The following NHEJ1 variants were observed in gnomAD, a reference collection of about 807,000 sequenced individuals.
NHEJ1 encodes the protein non-homologous end-joining factor 1.
NHEJ1 carries 22 observed loss-of-function variants against 39.4 expected under a neutral mutation model. The ratio of observed to expected loss-of-function variants is 0.56; its 90% CI spans 0.40 to 0.80. The LOEUF (loss-of-function observed/expected upper bound fraction) is 0.80, where lower values mean the gene tolerates loss of function less well. Among genes scored for constraint, NHEJ1 ranks in the 30% least tolerant of loss-of-function variants. The pLI is 0.00. For synonymous variants in NHEJ1, 154 were observed against 135.6 expected, an observed-to-expected ratio of 1.14 and a Z score of -0.94; for missense variants, 329 against 357.1, an observed-to-expected ratio of 0.92 and a Z score of 0.63.
Position 219,107,703 on chromosome 2 carries a change from G to T in NHEJ1, c.589-29497C>A, listed in dbSNP as rs1216775168. ...TAAATTAGTGGCATGTGCCCTGCAGGTATTTCCCATACCACATGCCCTGCT... is the reference window on the plus strand; with the variant it reads ...TAAATTAGTGGCATGTGCCCTGCAGTTATTTCCCATACCACATGCCCTGCT... On this transcript the variant is annotated intron_variant, in intron 5 of 7. Transcript: ENST00000356853. Among the ~76,000 whole-genome samples the T allele has an allele frequency of 2.0e-5, 3 of 152,098 alleles. No individual in the cohort carries two copies. In the East Asian group the frequency reaches 5.8e-4, roughly 29 times the overall value.
At chr2:219,152,825 T>TTTATTTATTTATTTA (rs1949810633) in intron 3 of NHEJ1, among the ~76,000 whole-genome samples, 1 of 108,540 alleles carries the variant, frequency 9.2e-6, no homozygotes, top group Non-Finnish European at 2.0e-5. Context: ...TTATTTATTT[T>TTTATTTATTTATTTA]GAGAGAGTCT....
intron 5 of NHEJ1, among the ~76,000 whole-genome samples, chr2:219,142,552 G>A (rs947488365): frequency 1.3e-5 from 2 of 152,222 alleles, no homozygotes; most frequent in African/African-American, 4.8e-5. Context: ...TAAAGAGCCC[G>A]CCAGCAGCCA....
intron 1 of NHEJ1, 84 bp from the exon 2 acceptor site, chr2:219,158,446 T>G (rs1949879538): frequency 1.5e-6 from 2 of 1,302,220 alleles, no homozygotes; most frequent in African/African-American, 2.9e-5. Flanking sequence ...CTGTATCAAC[T>G]AAAATCTCAT....
intron 5 of NHEJ1, among the ~76,000 whole-genome samples, chr2:219,105,626 C>T (rs1264822068): frequency 6.6e-6 from 1 of 152,124 alleles, no homozygotes. Flanking sequence ...TCAAAAAAAC[C>T]TCTTGAAATA....
At chr2:219,081,687 T>C (rs1362725729) in intron 5 of NHEJ1, among the ~76,000 whole-genome samples, 1 of 152,154 alleles carries the variant, frequency 6.6e-6, no homozygotes, top group Non-Finnish European at 1.5e-5. Context: ...GGCAGACATA[T>C]GTTGTTTTGT....
chr2:219,137,146 T>C (rs1574734892), intron 5 of NHEJ1, among the ~76,000 whole-genome samples: 1 of 148,510 alleles, frequency 6.7e-6, no homozygotes, highest in Non-Finnish European at 1.5e-5. Context: ...AAAGAGAAGG[T>C]GAAATTCAGA....
At chr2:219,082,192 A>G (rs1371638096) in intron 5 of NHEJ1, among the ~76,000 whole-genome samples, 3 of 152,234 alleles carry the variant, frequency 2.0e-5, no homozygotes. Flanking sequence ...CAACAGCCAC[A>G]AGAGCTATAT....
At chr2:219,144,669 CAG>C (rs1949719702) in intron 5 of NHEJ1, among the ~76,000 whole-genome samples, 1 of 151,984 alleles carries the variant, frequency 6.6e-6, no homozygotes, top group Admixed American at 6.6e-5. Context: ...ATAAAGTACA[CAG>C]AGAAAAATGT....
chr2:219,126,104 T>A (rs150397092), intron 5 of NHEJ1, among the ~76,000 whole-genome samples: 44 of 152,362 alleles, frequency 2.9e-4, no homozygotes, highest in African/African-American at 1.0e-3. Flanking sequence ...TGTAATGATA[T>A]TCCACTTTGG....
chr2:219,115,015 G>A (rs2106341530), intron 5 of NHEJ1, among the ~76,000 whole-genome samples: 1 of 152,042 alleles, frequency 6.6e-6, no homozygotes, highest in South Asian at 2.1e-4. Context: ...AACAGAAACT[G>A]TCACAGGCAT....
intron 3 of NHEJ1, among the ~76,000 whole-genome samples, chr2:219,154,866 T>C (rs895884173): frequency 6.8e-6 from 1 of 147,410 alleles, no homozygotes; most frequent in African/African-American, 2.5e-5. Flanking sequence ...TATTGTATTA[T>C]ATATATTATA....
chr2:219,120,035 G>A (rs966411468), intron 5 of NHEJ1, among the ~76,000 whole-genome samples: 2 of 152,196 alleles, frequency 1.3e-5, no homozygotes, highest in Admixed American at 6.5e-5. Flanking sequence ...ATTTAGCACC[G>A]AGAGGACATG....
rs1949865586 is a variant in NHEJ1, at chr2:219,157,493, G to T, written c.369C>A (p.Cys123Ter). ...TTACCAGGGAAGGACTAGCTAGCAT[G>T]CAGTGGAAATTCCAATAGAAGGGGA... ...SGLPFYWNFH[C>*]MLASPSLVSQ... Residue 123 changes from cysteine (C) to a stop codon, truncating the protein, a stop_gained, in exon 3 of 8, where the codon TGC becomes TGA. Transcript: ENST00000356853. LOFTEE classifies it high-confidence loss of function. 1 of 1,613,906 alleles carries T rather than the reference G, an allele frequency of 6.2e-7. No individual in the cohort carries two copies. The highest frequency in any genetic ancestry group is 8.5e-7 in the Non-Finnish European group (1 of 1,179,972).
intron 5 of NHEJ1, among the ~76,000 whole-genome samples, chr2:219,145,659 C>T (rs1481088114): frequency 2.0e-5 from 3 of 151,886 alleles, no homozygotes; most frequent in South Asian, 2.1e-4. Context: ...ATAGGCCGGG[C>T]GCAGTGGCTC....
At chr2:219,085,903 G>C (rs939658623) in intron 5 of NHEJ1, among the ~76,000 whole-genome samples, 3 of 152,140 alleles carry the variant, frequency 2.0e-5, no homozygotes, top group African/African-American at 7.2e-5. Flanking sequence ...AGTAAGATAG[G>C]TGCAGAGTTC....
intron 5 of NHEJ1, among the ~76,000 whole-genome samples, chr2:219,143,255 T>C (rs1259716835): frequency 6.6e-6 from 1 of 152,166 alleles, no homozygotes; most frequent in African/African-American, 2.4e-5. Flanking sequence ...ATGACCCTTC[T>C]GTGTCCTGTT....
chr2:219,156,424 T>C (rs147140049), intron 3 of NHEJ1, among the ~76,000 whole-genome samples: 1 of 152,358 alleles, frequency 6.6e-6, no homozygotes, highest in Non-Finnish European at 1.5e-5. Context: ...TCTATACTTT[T>C]AGGCTTCCCA....
chr2:219,144,943 G>A (rs4674360), intron 5 of NHEJ1, among the ~76,000 whole-genome samples: 31,272 of 152,098 alleles, frequency 0.21, 4,289 homozygotes, highest in East Asian at 0.55. Flanking sequence ...GGCTAGGCAT[G>A]GTGGCTCACA....
At chr2:219,105,008 G>A (rs996043088) in intron 5 of NHEJ1, among the ~76,000 whole-genome samples, 1 of 152,072 alleles carries the variant, frequency 6.6e-6, no homozygotes, top group South Asian at 2.1e-4. Context: ...AGGAACTCAG[G>A]GAAATGAAAA....
Sources: gnomAD v4.1 joint callset for allele counts (sites outside exome capture counted in the v4.1 genomes callset) on GRCh38, gnomAD v4.1.1 for gene constraint, MANE v1.5 for transcripts, NCBI Gene and HGNC (gene_info 2026-07-23, HGNC 2026-07-21) for gene names.